The following APC2 variants were observed in gnomAD, a reference collection of about 807,000 sequenced individuals.
APC2 encodes the protein adenomatous polyposis coli protein 2.
APC2 carries 41 observed loss-of-function variants against 72.5 expected under a neutral mutation model. The observed-to-expected ratio is 0.57, with a 90% CI of 0.44 to 0.73. The LOEUF is 0.73. Ranked by LOEUF, APC2 falls within the 30% of genes least tolerant of loss-of-function variation. The probability of loss-of-function intolerance (pLI) is 0.00; values close to 1 mark genes in which losing one functional copy is unlikely to be tolerated. For synonymous variants in APC2, 1,898 were observed against 1,612.0 expected (o/e 1.18, Z -4.25); for missense variants, 3,729 against 3,403.4 (o/e 1.10, Z -2.38).
At chr19:1,460,998 G>A (rs1391426043) in intron 12 of APC2, 39 bp from the exon 13 acceptor site, 1 of 1,609,910 alleles carries the variant, frequency 6.2e-7, no homozygotes, top group Non-Finnish European at 8.5e-7. Context: ...GGGGGGCCTG[G>A]ACCCTAGTCC....
At chr19:1,460,433 T>G in intron 11 of APC2, 113 bp downstream of exon 11, 1 of 1,490,246 alleles carries the variant, frequency 6.7e-7, no homozygotes, top group Non-Finnish European at 9.2e-7. Context: ...GGGCCACTTG[T>G]CCCCAACTTA....
upstream of APC2, among the ~76,000 whole-genome samples, chr19:1,448,737 G>A (rs375695113): frequency 1.4e-3 from 205 of 149,284 alleles, 2 homozygotes; most frequent in East Asian, 0.024. Context: ...CCAGCTACTC[G>A]GGAGGCTGAG....
At position 1,469,722 on chromosome 19, in the gene APC2, G is replaced by T. The variant is rs1187048516; in HGVS notation, c.6421G>T (p.Ala2141Ser). The T allele has an allele frequency of 1.9e-5, 27 of 1,449,934 alleles. No homozygotes were observed. Among genetic ancestry groups the T allele is most frequent in the Admixed American group, 1.3e-4 (5 of 37,744 alleles). The allele number at this position is 1,449,934 out of a possible 1,614,324, so 89.8% of individuals were successfully genotyped here. A position where few individuals can be genotyped will look rare whatever the true frequency, so the allele number is the denominator to read the frequency against. The change falls in exon 15 of 15, where the codon GCG becomes TCG. Residue 2141 changes from alanine (A) to serine (S), a missense_variant. Physicochemically the swap from Ala to Ser is moderately conservative, Grantham distance 99. Coordinates refer to ENST00000590469, the MANE Select transcript of APC2 (RefSeq NM_005883.3). ...GCCCCGGCCGCTCCCCAGGGTGGCC[G>T]CGCCGGGCACGACCTGGCGGCGCAT... is the stretch of plus-strand genomic sequence containing the variant. ...GEPRPLPRVA[A>S]PGTTWRRIRD... is the part of the protein sequence containing the mutation.
At position 1,453,015 on chromosome 19, in the gene APC2, T is replaced by C; in HGVS notation, c.14T>C (p.Val5Ala). 2 of 1,611,232 alleles carry C rather than the reference T, an allele frequency of 1.2e-6. No individual in the cohort carries two copies. Among genetic ancestry groups the C allele is most frequent in the Non-Finnish European group, 1.7e-6 (2 of 1,179,968 alleles). MASS[V>A]APYEQLVRQV... ...CAGGAGCTGAAGATGGCGAGCTCCG[T>C]GGCGCCCTACGAGCAGCTGGTGAGG... Residue 5 changes from valine to alanine, a missense_variant, in exon 2 of 15, where the codon GTG (valine) becomes GCG (alanine). Transcript: ENST00000590469.
At chr19:1,457,616 T>C (rs929179288) in intron 9 of APC2, 4 of 494,954 alleles carry the variant, frequency 8.1e-6, no homozygotes, top group African/African-American at 2.0e-5. Flanking sequence ...GAGAATTGCT[T>C]GAGCCCAGGA....
Position 1,465,598 on chromosome 19 carries a change from G to A in APC2, c.2297G>A (p.Gly766Asp). Residue 766 changes from glycine (G) to aspartate (D), a missense_variant, in exon 15 of 15, where the codon GGC becomes GAC. Coordinates refer to ENST00000590469, the MANE Select transcript of APC2 (RefSeq NM_005883.3). Reference protein sequence around the residue: ...KPLPPLRHLDGLAQDYASDSG... With the variant: ...KPLPPLRHLDDLAQDYASDSG... ...CTGCCGCCCCTGCGACACCTGGACG[G>A]CCTGGCCCAAGACTATGCTTCCGAT... is the stretch of plus-strand genomic sequence containing the variant. The A allele has an allele frequency of 1.9e-6, 3 of 1,588,996 alleles. No homozygotes were observed. Among genetic ancestry groups the A allele is most frequent in the Non-Finnish European group, 2.6e-6 (3 of 1,169,368 alleles).
intron 6 of APC2, 89 bp downstream of exon 6, chr19:1,455,589 G>A: frequency 7.8e-7 from 1 of 1,280,574 alleles, no homozygotes; most frequent in Non-Finnish European, 1.1e-6. Context: ...CGGGGTCTGG[G>A]GTAATGGGAG....
At chr19:1,461,372 C>A (rs548214473) in intron 13 of APC2, 10 of 586,842 alleles carry the variant, frequency 1.7e-5, no homozygotes, top group Non-Finnish European at 2.7e-5. Context: ...GTCAGGAGTT[C>A]GAGACCAGCC....
Position 1,465,595 on chromosome 19 carries a change from A to G in APC2, c.2294A>G (p.Asp765Gly). 1 of 1,585,452 alleles carries G rather than the reference A, an allele frequency of 6.3e-7. No individual in the cohort carries two copies. The highest frequency in any genetic ancestry group is 8.6e-7 in the Non-Finnish European group (1 of 1,167,524). ...KKPLPPLRHLDGLAQDYASDS... is the reference protein window; with the variant it reads ...KKPLPPLRHLGGLAQDYASDS... ...CCGCTGCCGCCCCTGCGACACCTGG[A>G]CGGCCTGGCCCAAGACTATGCTTCC... The change falls in exon 15 of 15, where the codon GAC becomes GGC. Residue 765 changes from aspartate (D) to glycine (G), a missense_variant. Coordinates refer to ENST00000590469, the MANE Select transcript of APC2 (RefSeq NM_005883.3).
At position 1,470,508 on chromosome 19, in the gene APC2, C is replaced by T. The variant is rs1426236680; in HGVS notation, c.*295C>T. The T allele has an allele frequency of 2.7e-6, 1 of 368,054 alleles. No homozygotes were observed. The highest frequency in any genetic ancestry group is 4.9e-6 in the Non-Finnish European group (1 of 204,494). 22.8% of individuals were successfully genotyped at this position (368,054 alleles called of 1,614,324 possible). ...CCAGCCCTGAGCGCGCGGCCCTTCCCCTGTCGGAAGCCGTTGCTTGACCCC... is the reference window on the plus strand; with the variant it reads ...CCAGCCCTGAGCGCGCGGCCCTTCCTCTGTCGGAAGCCGTTGCTTGACCCC... On this transcript the variant is annotated 3_prime_UTR_variant, in exon 15 of 15. Transcript: ENST00000590469.
In APC2 at chr19:1,457,327, G is replaced by T. The variant is rs1453749462; in HGVS notation, c.1207+84G>T. On this transcript the variant is annotated intron_variant, in intron 9 of 14. Transcript: ENST00000590469. Reference sequence around the variant, plus strand: ...GGGGGATGGGCGACTAGGACCTCCAGCCTTTGCTGCCTGCCTTCTGGCGTT... The same window carrying T: ...GGGGGATGGGCGACTAGGACCTCCATCCTTTGCTGCCTGCCTTCTGGCGTT... 4 of 1,438,134 alleles carry T rather than the reference G, an allele frequency of 2.8e-6. No individual in the cohort carries two copies. The Admixed American group carries it at 1.2e-4, about 42-fold the overall frequency. 89.1% of individuals were successfully genotyped at this position (1,438,134 alleles called of 1,614,324 possible). A position where few individuals can be genotyped will look rare whatever the true frequency, so the allele number is the denominator to read the frequency against.
intron 4 of APC2, among the ~76,000 whole-genome samples, chr19:1,454,499 C>T (rs1211168177): frequency 6.6e-6 from 1 of 151,868 alleles, no homozygotes; most frequent in Non-Finnish European, 1.5e-5. Context: ...CCACCTCAGC[C>T]TCCCATGTCA....
upstream of APC2, among the ~76,000 whole-genome samples, chr19:1,446,893 G>A (rs1164057727): frequency 6.6e-6 from 1 of 152,230 alleles, no homozygotes; most frequent in Non-Finnish European, 1.5e-5. The surrounding 1 kb of genome is among the most constrained non-coding windows in gnomAD (Gnocchi z 6.1). Flanking sequence ...TCGCGGCTGT[G>A]ACATCCCTCA....
chr19:1,456,771 A>G (rs1024728635), intron 8 of APC2, 82 bp from the exon 9 acceptor site: 3 of 1,488,878 alleles, frequency 2.0e-6, no homozygotes, highest in African/African-American at 1.4e-5. Context: ...GGGACGGGGC[A>G]GGGGTCACAG....
chr19:1,460,670 C>G (rs2083908171), intron 11 of APC2, 110 bp from the exon 12 acceptor site: 2 of 1,162,696 alleles, frequency 1.7e-6, no homozygotes, highest in South Asian at 1.5e-5. Flanking sequence ...TGGTCAGGAT[C>G]AGCAGGGGTC....
rs1045426 is a variant in APC2 at position 1,472,063 on chromosome 19, G to C, written c.*1850G>C. The C allele has an allele frequency of 1.3e-5, 2 of 152,486 alleles. No homozygotes were observed. Among genetic ancestry groups the C allele is most frequent in the African/African-American group, 4.8e-5 (2 of 41,460 alleles). The allele number at this position is 152,486 out of a possible 1,614,324, so 9.4% of individuals were successfully genotyped here. On this transcript the variant is annotated 3_prime_UTR_variant, in exon 15 of 15. Coordinates refer to ENST00000590469, the MANE Select transcript of APC2 (RefSeq NM_005883.3). Reference sequence around the variant, plus strand: ...AGGCTGTCAGGTTGTTTTGGGGGAAGAGGGGGTCATGGATGGCTGAGCAGA... The same window carrying C: ...AGGCTGTCAGGTTGTTTTGGGGGAACAGGGGGTCATGGATGGCTGAGCAGA...
chr19:1,457,605 G>A (rs920496093), intron 9 of APC2: 1 of 502,680 alleles, frequency 2.0e-6, no homozygotes, highest in Admixed American at 3.7e-5. Context: ...GGCAGAAGCA[G>A]GAGAATTGCT....
In APC2 at chr19:1,469,054, C is replaced by A. The variant is rs768156815; in HGVS notation, c.5753C>A (p.Ala1918Glu). Residue 1918 changes from alanine (A) to glutamate (E), a missense_variant, in exon 15 of 15, where the codon GCG becomes GAG. Physicochemically the swap from Ala to Glu is moderately radical, Grantham distance 107. Coordinates refer to ENST00000590469, the MANE Select transcript of APC2 (RefSeq NM_005883.3). ...VPKTPARTLL[A>E]KQHKTQRSPV... ...AAAACGCCGGCGCGCACCCTTCTGG[C>A]GAAGCAGCACAAGACGCAGAGATCG... 2 of 1,534,030 alleles carry A rather than the reference C, an allele frequency of 1.3e-6. No individual in the cohort carries two copies. The highest frequency in any genetic ancestry group is 2.6e-5 in the East Asian group (1 of 39,116).
upstream of APC2, chr19:1,446,355 G>T (rs2083687483): frequency 1.0e-6 from 1 of 985,258 alleles, no homozygotes; most frequent in African/African-American, 1.7e-5. The surrounding 1 kb of genome is among the most constrained non-coding windows in gnomAD (Gnocchi z 6.1). Flanking sequence ...GGGCGCGTGG[G>T]TCGAGCCGTT....
Sources: gnomAD v4.1 joint callset for allele counts (sites outside exome capture counted in the v4.1 genomes callset) on GRCh38, gnomAD v4.1.1 for gene constraint, Gnocchi (gnomAD v3.1) non-coding constraint, MANE v1.5 for transcripts, NCBI Gene and HGNC (gene_info 2026-07-23, HGNC 2026-07-21) for gene names.